The following CLCN5 variants were observed in gnomAD, a reference collection of about 807,000 sequenced individuals.
CLCN5 encodes H(+)/Cl(-) exchange transporter 5.
CLCN5 carries 17 observed loss-of-function variants against 54.0 expected under a neutral mutation model. That is an observed-to-expected ratio of 0.31 (90% CI 0.22 to 0.47). The LOEUF (loss-of-function observed/expected upper bound fraction) is 0.47. Among genes scored for constraint, CLCN5 ranks in the 20% least tolerant of loss-of-function variants. The pLI is 1.00. For missense variants in CLCN5, 448 were observed against 646.7 expected, an observed-to-expected ratio of 0.69 and a Z score of 3.33; for synonymous variants, 222 against 233.0, an observed-to-expected ratio of 0.95 and a Z score of 0.43.
At chrX:50,018,491 A>G (rs1283404209) in intron 3 of CLCN5, among the ~76,000 whole-genome samples, 1 of 111,730 alleles carries the variant, frequency 9.0e-6, no homozygotes, top group Non-Finnish European at 1.9e-5. Context: ...GTCTTTCAGT[A>G]TGATGTTGAA....
chrX:50,067,959 C>T (rs1557191096), intron 4 of CLCN5: 1 of 113,947 alleles, frequency 8.8e-6, no homozygotes, highest in African/African-American at 3.2e-5. Flanking sequence ...TAATAGGATT[C>T]TTTCTTTCCT....
chrX:49,950,428 T>C (rs1041132347), intron 3 of CLCN5, among the ~76,000 whole-genome samples: 1 of 111,611 alleles, frequency 9.0e-6, no homozygotes, highest in Non-Finnish European at 1.9e-5. Flanking sequence ...ATCCTTACAA[T>C]TTATCAGGTA....
intron 5 of CLCN5, 137 bp downstream of exon 5, chrX:50,070,167 C>T (rs1047083626): frequency 8.8e-6 from 5 of 568,431 alleles, no homozygotes; most frequent in Non-Finnish European, 1.4e-5. Flanking sequence ...TATAGAGTTT[C>T]ATTTTTAAAT....
At chrX:49,976,356 C>G (rs782745371) in intron 3 of CLCN5, among the ~76,000 whole-genome samples, 14 of 112,292 alleles carry the variant, frequency 1.2e-4, no homozygotes, top group Admixed American at 4.7e-4. Context: ...GAGGAGCCAG[C>G]ACAGAAATGG....
intron 3 of CLCN5, among the ~76,000 whole-genome samples, chrX:50,012,189 C>A (rs188225351): frequency 3.6e-5 from 4 of 111,405 alleles, no homozygotes. Flanking sequence ...CCCTCTCCAA[C>A]CCCCCAACAG....
intron 3 of CLCN5, chrX:50,008,302 G>A: frequency 4.9e-6 from 1 of 204,082 alleles, no homozygotes; most frequent in South Asian, 9.3e-5. Context: ...GACAAAATGT[G>A]TGTTTAACTA....
At chrX:50,060,824 T>G (rs1405846612) in intron 4 of CLCN5, among the ~76,000 whole-genome samples, 5 of 99,994 alleles carry the variant, frequency 5.0e-5, no homozygotes, top group Non-Finnish European at 9.7e-5. Context: ...ACGGGCAGAC[T>G]GCCTCCTCAA....
intron 3 of CLCN5, among the ~76,000 whole-genome samples, chrX:49,979,333 A>G (rs920335451): frequency 2.1e-4 from 23 of 111,644 alleles, no homozygotes; most frequent in Non-Finnish European, 1.5e-4. Context: ...TTTGATGGCT[A>G]GAGTTTAGTC....
At chrX:50,005,279 G>A (rs1469586921) in intron 3 of CLCN5, among the ~76,000 whole-genome samples, 1 of 111,603 alleles carries the variant, frequency 9.0e-6, no homozygotes, top group East Asian at 2.8e-4. Context: ...GGAAGGGGGA[G>A]CAGAACTACT....
At chrX:50,060,564 G>T (rs1481163333) in intron 4 of CLCN5, among the ~76,000 whole-genome samples, 1 of 108,524 alleles carries the variant, frequency 9.2e-6, no homozygotes, top group South Asian at 4.1e-4. Context: ...CTGCAAGGCG[G>T]CAGCGAGGCT....
At chrX:49,978,046 A>G (rs1320845756) in intron 3 of CLCN5, among the ~76,000 whole-genome samples, 2 of 111,885 alleles carry the variant, frequency 1.8e-5, no homozygotes, top group Non-Finnish European at 3.8e-5. Context: ...GATCCCTTAA[A>G]TTCCCCAGGA....
intron 3 of CLCN5, among the ~76,000 whole-genome samples, chrX:49,994,245 A>C (rs1557179337): frequency 9.0e-6 from 1 of 111,236 alleles, no homozygotes; most frequent in Non-Finnish European, 1.9e-5. Flanking sequence ...GAGCAGGAAT[A>C]GATTTTTAGA....
chrX:50,050,854 A>T (rs1227035376), intron 4 of CLCN5, among the ~76,000 whole-genome samples: 3 of 109,111 alleles, frequency 2.7e-5, no homozygotes, highest in Non-Finnish European at 3.8e-5. Context: ...AGTAGAGACG[A>T]GGTTTCACCA....
intron 6 of CLCN5, 121 bp downstream of exon 6, chrX:50,072,709 G>T: frequency 1.8e-6 from 1 of 554,778 alleles, no homozygotes; most frequent in Non-Finnish European, 3.2e-6. Flanking sequence ...TGAATTGCTG[G>T]TGAACCTTAT....
chrX:50,021,046 T>C, intron 3 of CLCN5, among the ~76,000 whole-genome samples: 1 of 49,808 alleles, frequency 2.0e-5, no homozygotes, highest in South Asian at 2.0e-3. Context: ...GGGGATGGCA[T>C]TGAATCTGTA....
intron 3 of CLCN5, among the ~76,000 whole-genome samples, chrX:50,012,132 A>G (rs1930536711): frequency 9.0e-6 from 1 of 111,329 alleles, no homozygotes; most frequent in South Asian, 3.9e-4. Context: ...CGTTGCCCAC[A>G]TTGTTCATGC....
chrX:50,067,582 A>C (rs150494273), intron 4 of CLCN5: 12 of 751,776 alleles, frequency 1.6e-5, no homozygotes, highest in Non-Finnish European at 1.9e-5. Context: ...GCCAGGGAAC[A>C]CTGGTAGTTC....
rs1057515936 is a variant in CLCN5, at chrX:50,094,489, A to G, written c.*2270A>G. 2 of 112,442 alleles carry G rather than the reference A, an allele frequency of 1.8e-5. No individual in the cohort carries two copies. The highest frequency in any genetic ancestry group is 3.8e-5 in the Non-Finnish European group (2 of 53,296). 9.3% of individuals were successfully genotyped at this position (112,442 alleles called of 1,213,427 possible). On this transcript the variant is annotated 3_prime_UTR_variant, in exon 15 of 15. Transcript: ENST00000376091. ...TTACTATTTCTGGTATTTAATGACA[A>G]TGAAAGGTTTGGTCATATTTCATAG...
intron 3 of CLCN5, among the ~76,000 whole-genome samples, chrX:49,938,099 G>C (rs2147265683): frequency 9.0e-6 from 1 of 111,358 alleles, no homozygotes; most frequent in Non-Finnish European, 1.9e-5. Flanking sequence ...TCACTATCCT[G>C]TGTTAAGTGA....
Sources: allele counts gnomAD v4.1 joint callset (sites outside exome capture counted in the v4.1 genomes callset), GRCh38; gene constraint gnomAD v4.1.1; transcripts MANE v1.5; gene names NCBI Gene and HGNC (gene_info 2026-07-23, HGNC 2026-07-21).